Variants in PTPRG observed in about 807,000 individuals in gnomAD.
PTPRG encodes receptor-type tyrosine-protein phosphatase gamma.
PTPRG carries 102 observed loss-of-function variants against 165.3 expected under a neutral mutation model. The ratio of observed to expected loss-of-function variants is 0.62; its 90% confidence interval spans 0.53 to 0.73. The LOEUF is 0.73. Ranked by LOEUF, PTPRG falls within the 30% of genes least tolerant of loss-of-function variation. PTPRG has a pLI of 0.00. For missense variants in PTPRG, 1,866 were observed against 1,861.4 expected, an observed-to-expected ratio of 1.00 and a Z score of -0.05; for synonymous variants, 675 against 669.5, an observed-to-expected ratio of 1.01 and a Z score of -0.13.
intron 5 of PTPRG, among the ~76,000 whole-genome samples, chr3:62,083,528 C>T (rs1233385663): frequency 6.6e-6 from 1 of 152,174 alleles, no homozygotes; most frequent in Non-Finnish European, 1.5e-5. Context: ...AATATAAAAA[C>T]CCAGGTTTAC....
intron 3 of PTPRG, among the ~76,000 whole-genome samples, chr3:61,995,995 C>G (rs929526234): frequency 1.3e-5 from 2 of 152,098 alleles, no homozygotes; most frequent in Non-Finnish European, 2.9e-5. Flanking sequence ...GGGCATGTCT[C>G]TGTCTCTCTG....
chr3:61,679,514 G>A (rs1042955029), intron 1 of PTPRG, among the ~76,000 whole-genome samples: 4 of 152,158 alleles, frequency 2.6e-5, no homozygotes, highest in Non-Finnish European at 4.4e-5. Context: ...GCCAGGTACC[G>A]TGGCTCACGT....
intron 2 of PTPRG, among the ~76,000 whole-genome samples, chr3:61,984,638 A>C (rs1423661173): frequency 6.6e-6 from 1 of 152,204 alleles, no homozygotes; most frequent in African/African-American, 2.4e-5. Context: ...CAAAAGAATG[A>C]CCTTTTGACA....
At chr3:61,631,280 G>C (rs1701768736) in intron 1 of PTPRG, among the ~76,000 whole-genome samples, 1 of 152,156 alleles carries the variant, frequency 6.6e-6, no homozygotes, top group South Asian at 2.1e-4. Context: ...ATTTAGTACA[G>C]TAGTCCACCC....
intron 5 of PTPRG, among the ~76,000 whole-genome samples, chr3:62,088,533 C>T (rs572288479): frequency 9.9e-5 from 15 of 152,270 alleles, no homozygotes; most frequent in African/African-American, 3.1e-4. Context: ...TTAAATCTGC[C>T]CTATTCCTAC....
chr3:62,156,789 G>A (rs530460149), intron 6 of PTPRG, among the ~76,000 whole-genome samples: 5 of 152,232 alleles, frequency 3.3e-5, no homozygotes, highest in African/African-American at 1.2e-4. Flanking sequence ...TATTTCCTGG[G>A]GAAGGGAGAG....
At chr3:61,804,387 C>A (rs1418509223) in intron 2 of PTPRG, among the ~76,000 whole-genome samples, 1 of 152,160 alleles carries the variant, frequency 6.6e-6, no homozygotes, top group Admixed American at 6.5e-5. Context: ...ACCTGAGTAA[C>A]CAATTTCTTT....
chr3:61,609,950 C>T (rs775470872), intron 1 of PTPRG, among the ~76,000 whole-genome samples: 5 of 151,306 alleles, frequency 3.3e-5, no homozygotes, highest in Non-Finnish European at 5.9e-5. Flanking sequence ...TAAAGACAGC[C>T]CTTCTATTAA....
intron 18 of PTPRG, 56 bp from the exon 19 acceptor site, chr3:62,267,629 G>C: frequency 1.9e-6 from 3 of 1,584,046 alleles, no homozygotes; most frequent in South Asian, 2.3e-5. Flanking sequence ...TTGAATTATT[G>C]ACTGGTCTTC....
At chr3:62,092,127 C>T (rs1248046077) in intron 5 of PTPRG, among the ~76,000 whole-genome samples, 1 of 91,204 alleles carries the variant, frequency 1.1e-5, no homozygotes, top group Non-Finnish European at 2.2e-5. Flanking sequence ...CACACACACA[C>T]ACAATCTGTA....
intron 2 of PTPRG, among the ~76,000 whole-genome samples, chr3:61,919,723 T>G (rs951840111): frequency 6.6e-6 from 1 of 152,190 alleles, no homozygotes. Flanking sequence ...TTTCTCTGAT[T>G]GATTTATCTG....
intron 1 of PTPRG, among the ~76,000 whole-genome samples, chr3:61,653,549 G>A (rs1282711576): frequency 1.3e-5 from 2 of 152,142 alleles, no homozygotes; most frequent in Admixed American, 6.5e-5. Context: ...CCTGCTTCAG[G>A]TACCTTGGAT....
At chr3:61,629,280 G>T (rs1701700882) in intron 1 of PTPRG, among the ~76,000 whole-genome samples, 1 of 152,064 alleles carries the variant, frequency 6.6e-6, no homozygotes, top group Non-Finnish European at 1.5e-5. Context: ...TCAGCCTCCT[G>T]AGTAGCTGGG....
rs1221185523 is a variant in PTPRG, at chr3:62,115,821, G to A, written c.616-16781G>A. 2.0e-5 allele frequency among the ~76,000 whole-genome samples: 3 copies of A among 152,082 alleles called. No individual in the cohort carries two copies. In the East Asian group the frequency reaches 5.8e-4, roughly 30 times the overall value. On this transcript the variant is annotated intron_variant, in intron 5 of 29. Coordinates refer to ENST00000474889, the MANE Select transcript of PTPRG (RefSeq NM_002841.4). Reference sequence around the variant, plus strand: ...CAAAGTGCTAGGATTACAGGTGTGAGCCACCACTCCTGACCCCAAGGCACA... The same window carrying A: ...CAAAGTGCTAGGATTACAGGTGTGAACCACCACTCCTGACCCCAAGGCACA...
At chr3:61,649,535 T>C (rs186314825) in intron 1 of PTPRG, among the ~76,000 whole-genome samples, 13 of 152,302 alleles carry the variant, frequency 8.5e-5, no homozygotes, top group Admixed American at 2.0e-4. Context: ...GACTCTTTTA[T>C]ATGGTTCTTA....
chr3:61,612,488 A>G (rs774175795), intron 1 of PTPRG, among the ~76,000 whole-genome samples: 6 of 152,184 alleles, frequency 3.9e-5, no homozygotes, highest in South Asian at 2.1e-4. Flanking sequence ...GCCTGTTTCC[A>G]GTTAGAAATG....
At chr3:62,119,990 C>G (rs1245297596) in intron 5 of PTPRG, among the ~76,000 whole-genome samples, 1 of 152,082 alleles carries the variant, frequency 6.6e-6, no homozygotes, top group African/African-American at 2.4e-5. Flanking sequence ...GCCTGCACAT[C>G]AGAATCATCA....
intron 1 of PTPRG, among the ~76,000 whole-genome samples, chr3:61,678,691 C>G (rs1463135502): frequency 1.3e-5 from 2 of 152,144 alleles, no homozygotes; most frequent in African/African-American, 2.4e-5. Flanking sequence ...TCTAGAAAAA[C>G]AGCACCCAAC....
chr3:62,203,238 G>A lies in PTPRG; in HGVS notation c.1443G>A (p.Thr481=), dbSNP rs544886184. ...APISSGSSTW[T]SSGIPFSFVS... ...TCAGCTCGGGGTCTTCTACCTGGAC[G>A]TCCTCTGGCATCCCATTCTCATTTG... The change falls in exon 12 of 30, where the codon ACG becomes ACA. Residue 481 remains threonine, a synonymous_variant. Coordinates refer to ENST00000474889, the MANE Select transcript of PTPRG (RefSeq NM_002841.4). The surrounding 1 kb of genome is among the most constrained non-coding windows in gnomAD (Gnocchi z 6.4). 18 of 1,613,552 alleles carry A rather than the reference G, an allele frequency of 1.1e-5. No homozygotes were observed. Among genetic ancestry groups the A allele is most frequent in the Admixed American group, 6.7e-5 (4 of 59,960 alleles).
Sources: allele counts gnomAD v4.1 joint callset (sites outside exome capture counted in the v4.1 genomes callset), GRCh38; gene constraint gnomAD v4.1.1; non-coding constraint Gnocchi (gnomAD v3.1); transcripts MANE v1.5; gene names NCBI Gene and HGNC (gene_info 2026-07-23, HGNC 2026-07-21).